RBFOX1: variants seen among roughly 807,000 people sequenced by gnomAD.
The protein encoded by RBFOX1 is RNA binding protein fox-1 homolog 1.
A neutral mutation model predicts 57.7 loss-of-function variants in RBFOX1; 8 were observed. The observed-to-expected ratio is 0.14, with a 90% confidence interval of 0.08 to 0.25. The LOEUF (loss-of-function observed/expected upper bound fraction) is 0.25, where lower values mean the gene tolerates loss of function less well. Ranked by LOEUF, RBFOX1 falls within the 10% of genes least tolerant of loss-of-function variation. RBFOX1 has a pLI of 1.00. For synonymous variants in RBFOX1, 326 were observed against 222.4 expected, an observed-to-expected ratio of 1.47 and a Z score of -4.15; for missense variants, 611 against 548.5, an observed-to-expected ratio of 1.11 and a Z score of -1.14.
intron 3 of RBFOX1, among the ~76,000 whole-genome samples, chr16:5,840,970 C>G (rs539660608): frequency 2.6e-5 from 4 of 152,282 alleles, no homozygotes; most frequent in South Asian, 2.1e-4. Flanking sequence ...GGTAGTGAAC[C>G]TCCCAATACT....
chr16:6,897,492 T>C (rs957675114), intron 3 of RBFOX1, among the ~76,000 whole-genome samples: 1 of 152,100 alleles, frequency 6.6e-6, no homozygotes, highest in East Asian at 1.9e-4. Context: ...TTTAAGAAAA[T>C]GGTCAAGTCC....
chr16:5,376,920 G>C lies in RBFOX1; in HGVS notation c.220-90296G>C, dbSNP rs955930208. Among the ~76,000 whole-genome samples the C allele has an allele frequency of 2.5e-4, 24 of 95,816 alleles. 1 individual carries two copies. The highest frequency in any genetic ancestry group is 2.1e-3 in the Admixed American group (22 of 10,268). 62.9% of individuals were successfully genotyped at this position (95,816 alleles called of 152,430 possible). Reference sequence around the variant, plus strand: ...TAGGCCCCTGTTGCCTGCGTTGGCAGTCTCTTCATAGCACACCCTGCACTG... The same window carrying C: ...TAGGCCCCTGTTGCCTGCGTTGGCACTCTCTTCATAGCACACCCTGCACTG... On this transcript the variant is annotated intron_variant, in intron 1 of 2. Transcript: ENST00000585867.
chr16:7,098,109 A>T (rs2062009287), intron 4 of RBFOX1, among the ~76,000 whole-genome samples: 1 of 152,216 alleles, frequency 6.6e-6, no homozygotes, highest in Non-Finnish European at 1.5e-5. Context: ...CAAGTGAGGA[A>T]AGGAACACAA....
intron 1 of RBFOX1, among the ~76,000 whole-genome samples, chr16:5,446,698 T>C (rs531279381): frequency 6.6e-6 from 1 of 152,170 alleles, no homozygotes; most frequent in African/African-American, 2.4e-5. Flanking sequence ...GTAGGAAGTA[T>C]TGCAGTACTC....
chr16:6,971,440 G>T (rs1487161662), intron 3 of RBFOX1, among the ~76,000 whole-genome samples: 1 of 151,932 alleles, frequency 6.6e-6, no homozygotes, highest in Non-Finnish European at 1.5e-5. Flanking sequence ...GGTTTGGAGG[G>T]GTTGGCAGGG....
chr16:5,982,393 G>A (rs569389516), intron 4 of RBFOX1, among the ~76,000 whole-genome samples: 1 of 152,042 alleles, frequency 6.6e-6, no homozygotes, highest in Admixed American at 6.5e-5. Context: ...CCCTTCCTCA[G>A]CCTCCCAAGT....
At chr16:7,494,675 G>A (rs1254915892) in intron 4 of RBFOX1, among the ~76,000 whole-genome samples, 1 of 152,072 alleles carries the variant, frequency 6.6e-6, no homozygotes, top group African/African-American at 2.4e-5. Flanking sequence ...AAAAGGTCAT[G>A]ATACTTACTC....
intron 1 of RBFOX1, among the ~76,000 whole-genome samples, chr16:6,128,753 T>G (rs1012395321): frequency 6.6e-6 from 1 of 152,206 alleles, no homozygotes; most frequent in South Asian, 2.1e-4. Context: ...CAGAGATCAG[T>G]TGATGCAGTG....
intron 2 of RBFOX1, among the ~76,000 whole-genome samples, chr16:6,337,725 C>T (rs1319306427): frequency 1.3e-5 from 2 of 152,032 alleles, no homozygotes; most frequent in Non-Finnish European, 2.9e-5. Flanking sequence ...CTTTATAAGA[C>T]CATCTCTGTA....
chr16:5,698,397 T>A (rs2050915434), intron 3 of RBFOX1, among the ~76,000 whole-genome samples: 2 of 152,210 alleles, frequency 1.3e-5, no homozygotes, highest in African/African-American at 4.8e-5. Context: ...GATCATTACT[T>A]CTATTTTATG....
intron 4 of RBFOX1, among the ~76,000 whole-genome samples, chr16:7,234,535 G>A (rs903508988): frequency 4.6e-5 from 7 of 151,846 alleles, no homozygotes; most frequent in Non-Finnish European, 1.5e-5. Context: ...GTCCTGGATA[G>A]TATGAAGCAT....
intron 2 of RBFOX1, among the ~76,000 whole-genome samples, chr16:5,575,153 C>G (rs2046410652): frequency 6.6e-6 from 1 of 152,196 alleles, no homozygotes; most frequent in African/African-American, 2.4e-5. Flanking sequence ...TTCATTACAA[C>G]TATGATGCTT....
chr16:5,785,803 A>C (rs1332754239), intron 3 of RBFOX1, among the ~76,000 whole-genome samples: 2 of 152,194 alleles, frequency 1.3e-5, no homozygotes, highest in Non-Finnish European at 2.9e-5. Context: ...CTGGGATTAT[A>C]GACATGAGCC....
chr16:7,045,434 G>A (rs1320795571), intron 3 of RBFOX1, among the ~76,000 whole-genome samples: 1 of 152,002 alleles, frequency 6.6e-6, no homozygotes, highest in Non-Finnish European at 1.5e-5. Context: ...TTCCTTATTT[G>A]GCTTCATTTG....
chr16:6,792,933 G>A (rs950402166), intron 3 of RBFOX1, among the ~76,000 whole-genome samples: 9 of 151,976 alleles, frequency 5.9e-5, no homozygotes, highest in African/African-American at 2.2e-4. Context: ...GGGAGGCTGA[G>A]GCAGAGAATT....
chr16:6,047,787 C>G (rs11865285), intron 1 of RBFOX1, among the ~76,000 whole-genome samples: 12,317 of 152,190 alleles, frequency 0.081, 618 homozygotes, highest in African/African-American at 0.12. Context: ...CACTCATTGA[C>G]TAATTCCACA....
intron 4 of RBFOX1, among the ~76,000 whole-genome samples, chr16:7,490,734 C>T (rs1178284655): frequency 6.6e-6 from 1 of 152,148 alleles, no homozygotes; most frequent in South Asian, 2.1e-4. Flanking sequence ...TTTCACTAAA[C>T]CTCAAATTGT....
intron 1 of RBFOX1, among the ~76,000 whole-genome samples, chr16:6,305,598 A>G (rs1225838181): frequency 6.7e-6 from 1 of 150,162 alleles, no homozygotes; most frequent in Non-Finnish European, 1.5e-5. Context: ...GGACTTCAAT[A>G]TGACTCAAGT....
At chr16:7,178,132 G>GCAA (rs901120928) in intron 4 of RBFOX1, among the ~76,000 whole-genome samples, 2 of 152,170 alleles carry the variant, frequency 1.3e-5, no homozygotes, top group Non-Finnish European at 2.9e-5. Context: ...AGCAGCAGCA[G>GCAA]CAACAACAAC....
Sources: gnomAD v4.1 joint callset for allele counts (sites outside exome capture counted in the v4.1 genomes callset) on GRCh38, gnomAD v4.1.1 for gene constraint, MANE v1.5 for transcripts, NCBI Gene and HGNC (gene_info 2026-07-23, HGNC 2026-07-21) for gene names.